MYH4: variants seen among roughly 807,000 people sequenced by gnomAD.
The protein encoded by MYH4 is myosin-4.
MYH4 carries 200 observed loss-of-function variants against 229.9 expected under a neutral mutation model. The observed-to-expected ratio is 0.87, with a 90% CI of 0.78 to 0.98. The LOEUF (loss-of-function observed/expected upper bound fraction) is 0.98, where lower values mean the gene tolerates loss of function less well. Ranked by LOEUF, MYH4 falls within the 50% of genes least tolerant of loss-of-function variation. The pLI is 0.00. For synonymous variants in MYH4, 761 were observed against 834.6 expected (o/e 0.91, Z 1.52); for missense variants, 2,148 against 2,332.6 (o/e 0.92, Z 1.63).
At chr17:10,451,888 G>A in intron 27 of MYH4, 53 bp downstream of exon 27, 1 of 1,544,506 alleles carries the variant, frequency 6.5e-7, no homozygotes, top group Non-Finnish European at 8.7e-7. Context: ...TATAAACTTG[G>A]TCATTTTGAA....
chr17:10,457,277 A>T (rs1167105571), intron 16 of MYH4, 143 bp downstream of exon 16: 1 of 922,904 alleles, frequency 1.1e-6, no homozygotes, highest in East Asian at 2.6e-5. Context: ...ACTGTATCAC[A>T]GTTATTAAAT....
chr17:10,454,151 C>T (rs192685580), intron 22 of MYH4, among the ~76,000 whole-genome samples: 4 of 152,344 alleles, frequency 2.6e-5, no homozygotes, highest in Non-Finnish European at 4.4e-5. Context: ...CTAACCTTTG[C>T]AACTTTGGAA....
chr17:10,460,143 G>C (rs746324900), intron 13 of MYH4, 42 bp from the exon 14 acceptor site: 8 of 1,613,770 alleles, frequency 5.0e-6, no homozygotes, highest in South Asian at 1.1e-5. Flanking sequence ...ATTGAAAACA[G>C]TGATGAACTC....
chr17:10,459,465 T>A (rs1279796619), intron 14 of MYH4, 44 bp from the exon 15 acceptor site: 1 of 1,614,116 alleles, frequency 6.2e-7, no homozygotes, highest in Admixed American at 1.7e-5. Context: ...TAACAAGTAT[T>A]CTATCTACAG....
intron 15 of MYH4, 100 bp downstream of exon 15, chr17:10,459,151 A>G (rs1045934068): frequency 1.3e-6 from 2 of 1,582,326 alleles, no homozygotes; most frequent in African/African-American, 1.3e-5. Flanking sequence ...TGTGTCAGGA[A>G]ACAGCACTGC....
chr17:10,464,158 G>A (rs2072733990), intron 7 of MYH4, among the ~76,000 whole-genome samples: 1 of 151,810 alleles, frequency 6.6e-6, no homozygotes, highest in Non-Finnish European at 1.5e-5. Context: ...TTTGGCTCTT[G>A]CCTCCCTCCT....
Position 10,448,459 on chromosome 17 carries a change from C to T in MYH4, c.4593G>A (p.Glu1531=), listed in dbSNP as rs751697101. ...CATGATCAAGTTGTTTCTTTACTTT[C>T]TCCAGTTCATGGATATGCTTTCCAC... ...AEGGKHIHEL[E]KVKKQLDHEK... Residue 1531 remains glutamate (E), a synonymous_variant, in exon 33 of 40, where the codon GAG becomes GAA. Coordinates refer to ENST00000255381, the MANE Select transcript of MYH4 (RefSeq NM_017533.2). The T allele has an allele frequency of 2.6e-5, 42 of 1,613,860 alleles. No individual in the cohort carries two copies. The South Asian group carries it at 4.4e-4, about 17-fold the overall frequency.
In MYH4 at chr17:10,452,107, G is replaced by C; in HGVS notation, c.3572C>G (p.Ala1191Gly). The C allele has an allele frequency of 6.2e-7, 1 of 1,613,988 alleles. No homozygotes were observed. The highest frequency in any genetic ancestry group is 8.5e-7 in the Non-Finnish European group (1 of 1,179,958). The change falls in exon 27 of 40, where the codon GCC (alanine) becomes GGC (glycine). Residue 1191 changes from alanine to glycine, a missense_variant. Ala to Gly is a moderately conservative substitution (Grantham distance 60). Transcript: ENST00000255381. Reference sequence around the variant, plus strand: ...CTTCTTCCGAAGAGCAGCTGCCGTGGCTTCGTGCTGCAGGGTGGACTCTTC... The same window carrying C: ...CTTCTTCCGAAGAGCAGCTGCCGTGCCTTCGTGCTGCAGGGTGGACTCTTC... Reference protein sequence around the residue: ...DLEESTLQHEATAAALRKKHA... With the variant: ...DLEESTLQHEGTAAALRKKHA...
intron 30 of MYH4, among the ~76,000 whole-genome samples, chr17:10,449,864 C>A (rs1158791844): frequency 6.6e-6 from 1 of 152,158 alleles, no homozygotes; most frequent in African/African-American, 2.4e-5. Flanking sequence ...TTAATTCTAA[C>A]AACTACTGAG....
At position 10,459,378 on chromosome 17, in the gene MYH4, T is replaced by G; in HGVS notation, c.1460A>C (p.Lys487Thr). 1 of 1,614,188 alleles carries G rather than the reference T, an allele frequency of 6.2e-7. No individual in the cohort carries two copies. Among genetic ancestry groups the G allele is most frequent in the Non-Finnish European group, 8.5e-7 (1 of 1,180,040 alleles). Residue 487 changes from lysine (K) to threonine (T), a missense_variant, in exon 15 of 40, where the codon AAA becomes ACA. Physicochemically the swap from Lys to Thr is moderately conservative, Grantham distance 78. Transcript: ENST00000255381. Reference sequence around the variant, plus strand: ...GTGGTGGTTGAAAAACTGTTGCAGTTTCTCGTTGGTGAAGTTGATGCACAG... The same window carrying G: ...GTGGTGGTTGAAAAACTGTTGCAGTGTCTCGTTGGTGAAGTTGATGCACAG... ...EQLCINFTNEKLQQFFNHHMF... is the reference protein window; with the variant it reads ...EQLCINFTNETLQQFFNHHMF...
chr17:10,458,077 C>G (rs1009193406), intron 15 of MYH4, among the ~76,000 whole-genome samples: 1 of 152,116 alleles, frequency 6.6e-6, no homozygotes, highest in African/African-American at 2.4e-5. Flanking sequence ...TACCTCGAAT[C>G]TAGAGGTGAC....
chr17:10,453,940 A>G, intron 22 of MYH4, 55 bp from the exon 23 acceptor site: 1 of 1,596,086 alleles, frequency 6.3e-7, no homozygotes, highest in Non-Finnish European at 8.5e-7. Context: ...ATAAGCACAC[A>G]ATAATTTATT....
chr17:10,455,906 G>T lies in MYH4; in HGVS notation c.1969-5C>A. ...CATCAGCTTATTCAAATTCTCCTGT[G>T]GAACCATATGAAAAGTTTTAAAATC... On this transcript the variant is annotated splice_polypyrimidine_tract_variant and splice_region_variant and intron_variant, in intron 17 of 39. Coordinates refer to ENST00000255381, the MANE Select transcript of MYH4 (RefSeq NM_017533.2). 1 of 1,614,144 alleles carries T rather than the reference G, an allele frequency of 6.2e-7. No homozygotes were observed. The highest frequency in any genetic ancestry group is 8.5e-7 in the Non-Finnish European group (1 of 1,180,024).
intron 35 of MYH4, among the ~76,000 whole-genome samples, chr17:10,446,027 CAAAAAAA>C (rs35896304): frequency 1.5e-5 from 1 of 68,548 alleles, no homozygotes; most frequent in East Asian, 5.1e-4. Context: ...GACCCCTTCT[CAAAAAAA>C]AAAAAAAAAA....
At position 10,444,859 on chromosome 17, in the gene MYH4, T is replaced by A. The variant is rs1234484676; in HGVS notation, c.5507A>T (p.His1836Leu). The A allele has an allele frequency of 6.2e-7, 1 of 1,613,998 alleles. No homozygotes were observed. The highest frequency in any genetic ancestry group is 1.1e-5 in the South Asian group (1 of 91,080). Reference protein sequence around the residue: ...LESEVESEQKHNVEAVKGLRK... With the variant: ...LESEVESEQKLNVEAVKGLRK... The stretch of plus-strand genomic sequence containing the variant: ...AAGACCCTTGACAGCCTCAACATTG[T>A]GCTTCTGTTCACTTTCCACCTCACT... The change falls in exon 38 of 40, where the codon CAC (histidine) becomes CTC (leucine). Residue 1836 changes from histidine (H) to leucine (L), a missense_variant. Physicochemically the swap from His to Leu is moderately conservative, Grantham distance 99. Coordinates refer to ENST00000255381, the MANE Select transcript of MYH4 (RefSeq NM_017533.2).
rs371887762 is a variant in MYH4, at chr17:10,448,860, C to T, written c.4365+4G>A. On this transcript the variant is annotated splice_donor_region_variant and intron_variant, in intron 31 of 39. Coordinates refer to ENST00000255381, the MANE Select transcript of MYH4 (RefSeq NM_017533.2). ...CCCCAAGGGGAGCTGGTACTGTGGA[C>T]CACCTTGTCAAAGTTTCTTTGCTTC... The T allele has an allele frequency of 4.3e-6, 7 of 1,613,850 alleles. No homozygotes were observed. Among genetic ancestry groups the T allele is most frequent in the Non-Finnish European group, 5.9e-6 (7 of 1,179,968 alleles).
At chr17:10,444,765 A>G in intron 38 of MYH4, 30 bp downstream of exon 38, 1 of 1,612,718 alleles carries the variant, frequency 6.2e-7, no homozygotes. Context: ...TGAAAACTAT[A>G]GGCCTGGAAG....
rs147055554 is a variant in MYH4, at chr17:10,444,605, G to A, written c.5666C>T (p.Ala1889Val). The A allele has an allele frequency of 1.2e-6, 2 of 1,612,716 alleles. No individual in the cohort carries two copies. Among genetic ancestry groups the A allele is most frequent in the African/African-American group, 2.7e-5 (2 of 74,836 alleles). The change falls in exon 39 of 40, where the codon GCT becomes GTT. Residue 1889 changes from alanine to valine, a missense_variant and splice_region_variant. Physicochemically the swap from Ala to Val is moderately conservative, Grantham distance 64 (BLOSUM62 0). Transcript: ENST00000255381. ...VKAYKRQAEE[A>V]EEQSNVNLAK... Reference sequence around the variant, plus strand: ...CATTTCCACTGTGGAGATACTCACAGCCTCTTCAGCTTGTCTCTTGTAAGC... The same window carrying A: ...CATTTCCACTGTGGAGATACTCACAACCTCTTCAGCTTGTCTCTTGTAAGC...
At position 10,464,400 on chromosome 17, in the gene MYH4, G is replaced by A. The variant is rs561895471; in HGVS notation, c.648+72C>T. 1.7e-3 allele frequency: 2,202 copies of A among 1,262,564 alleles called. 6 individuals are homozygous for A. Among genetic ancestry groups the A allele is most frequent in the Non-Finnish European group, 2.1e-3 (1,827 of 885,990 alleles). The allele number at this position is 1,262,564 out of a possible 1,614,324, so 78.2% of individuals were successfully genotyped here. ...ATACGTACTACATTTTCTGTATACA[G>A]TCTACTGTTGATGTGCACGTGGTTA... On this transcript the variant is annotated intron_variant, in intron 7 of 39. Transcript: ENST00000255381.
Sources: gnomAD v4.1 joint callset for allele counts (sites outside exome capture counted in the v4.1 genomes callset) on GRCh38, gnomAD v4.1.1 for gene constraint, MANE v1.5 for transcripts, NCBI Gene and HGNC (gene_info 2026-07-23, HGNC 2026-07-21) for gene names.